The following LINGO1 variants were observed in gnomAD, a reference collection of about 807,000 sequenced individuals.
LINGO1 encodes leucine-rich repeat and immunoglobulin-like domain-containing nogo receptor-interacting protein 1.
LINGO1 carries 11 observed loss-of-function variants against 37.3 expected under a neutral mutation model. The ratio of observed to expected loss-of-function variants is 0.29; its 90% CI spans 0.19 to 0.49. The LOEUF is 0.49. LINGO1 is among the 20% of genes least tolerant of loss of function. The pLI, the probability that LINGO1 is intolerant of heterozygous loss-of-function variation, is 0.99. For synonymous variants in LINGO1, 387 were observed against 403.0 expected, an observed-to-expected ratio of 0.96 and a Z score of 0.48; for missense variants, 585 against 878.2, an observed-to-expected ratio of 0.67 and a Z score of 4.22.
chr15:77,733,108 A>G (rs919031407), intron 2 of LINGO1, among the ~76,000 whole-genome samples: 1 of 151,930 alleles, frequency 6.6e-6, no homozygotes, highest in Non-Finnish European at 1.5e-5. Flanking sequence ...CCACCCCCAC[A>G]GCTCCCCCAT....
At chr15:77,627,803 C>T (rs2142571301) in intron 1 of LINGO1, among the ~76,000 whole-genome samples, 1 of 152,300 alleles carries the variant, frequency 6.6e-6, no homozygotes, top group South Asian at 2.1e-4. Flanking sequence ...CTTCATCCTA[C>T]TTGCTTGGGG....
intron 1 of LINGO1, among the ~76,000 whole-genome samples, chr15:77,736,944 C>T (rs551182464): frequency 6.6e-6 from 1 of 152,344 alleles, no homozygotes; most frequent in East Asian, 1.9e-4. Context: ...CGGACTGTCA[C>T]AGCTGAGCTT....
At chr15:77,659,299 G>A (rs974850059) in intron 3 of LINGO1, among the ~76,000 whole-genome samples, 2 of 152,126 alleles carry the variant, frequency 1.3e-5, no homozygotes, top group Non-Finnish European at 2.9e-5. Flanking sequence ...AGGGAGTCCT[G>A]TCATCTTCCA....
At chr15:77,781,319 A>C (rs1299211188) in intron 1 of LINGO1, among the ~76,000 whole-genome samples, 3 of 152,166 alleles carry the variant, frequency 2.0e-5, no homozygotes, top group Admixed American at 6.5e-5. Flanking sequence ...CAATGTGCAA[A>C]AGCCTCCCTC....
At chr15:77,749,065 G>A (rs1052878125) in intron 1 of LINGO1, among the ~76,000 whole-genome samples, 3 of 151,428 alleles carry the variant, frequency 2.0e-5, no homozygotes, top group Admixed American at 6.6e-5. Context: ...ACACTACCAC[G>A]CCCGGCTAAT....
chr15:77,716,157 C>T (rs1487874543), intron 2 of LINGO1, among the ~76,000 whole-genome samples: 1 of 135,542 alleles, frequency 7.4e-6, no homozygotes, highest in East Asian at 3.2e-4. Flanking sequence ...CAAAGTCTCA[C>T]AGCAATAAAT....
intron 3 of LINGO1, among the ~76,000 whole-genome samples, chr15:77,639,919 C>G (rs898001237): frequency 6.6e-6 from 1 of 152,210 alleles, no homozygotes; most frequent in Non-Finnish European, 1.5e-5. Context: ...GAACCCCACA[C>G]CATGAGCAGC....
At chr15:77,622,232 C>G (rs1227210186) in intron 1 of LINGO1, among the ~76,000 whole-genome samples, 1 of 151,784 alleles carries the variant, frequency 6.6e-6, no homozygotes, top group Non-Finnish European at 1.5e-5. Flanking sequence ...CCCAGAGACA[C>G]CCGGGAGACA....
intron 2 of LINGO1, among the ~76,000 whole-genome samples, chr15:77,686,830 C>A (rs1245205130): frequency 1.3e-5 from 2 of 152,196 alleles, no homozygotes; most frequent in South Asian, 2.1e-4. Context: ...GGGCCTCCCC[C>A]ACCTCAGCTC....
intron 2 of LINGO1, among the ~76,000 whole-genome samples, chr15:77,720,099 C>T (rs1471912815): frequency 2.7e-5 from 4 of 150,202 alleles, no homozygotes; most frequent in Non-Finnish European, 5.9e-5. Context: ...CACACCACCA[C>T]CCCCTTGGCT....
intron 3 of LINGO1, among the ~76,000 whole-genome samples, chr15:77,668,489 C>G (rs1049317809): frequency 6.6e-6 from 1 of 152,138 alleles, no homozygotes; most frequent in African/African-American, 2.4e-5. Flanking sequence ...GCCCTTCATC[C>G]GCTGAGAGAA....
chr15:77,820,291 G>C (rs1281005158), exon 1 of LINGO1: 1 of 152,272 alleles, frequency 6.6e-6, no homozygotes, highest in Admixed American at 6.5e-5. Context: ...GGGCCCCGGG[G>C]AAGGGACCTC....
At position 77,729,002 on chromosome 15, in the gene LINGO1, T is replaced by C. The variant is rs192094930; in HGVS notation, c.-195+5990A>G. Among the ~76,000 whole-genome samples the C allele has an allele frequency of 7.2e-5, 11 of 152,368 alleles. No homozygotes were observed. The East Asian group carries it at 2.1e-3, about 29-fold the overall frequency. On this transcript the variant is annotated intron_variant, in intron 2 of 3. Coordinates refer to the LINGO1 transcript ENST00000561686. ...ACTTGGCCAAGTATTTGCAAGGTAT[T>C]CTGCAAAGTGGAAAACCCACTCTCT... is the stretch of plus-strand genomic sequence containing the variant.
At chr15:77,787,797 G>C (rs1029933319), upstream of LINGO1, 1 of 152,130 alleles carries the variant, frequency 6.6e-6, no homozygotes, top group Non-Finnish European at 1.5e-5. Flanking sequence ...GGCCTCTAAG[G>C]CATCTCACAA....
chr15:77,637,829 C>T (rs2074425717), upstream of LINGO1, among the ~76,000 whole-genome samples: 2 of 152,338 alleles, frequency 1.3e-5, no homozygotes, highest in African/African-American at 4.8e-5. The surrounding 1 kb of genome is among the most constrained non-coding windows in gnomAD (Gnocchi z 4.6). Flanking sequence ...CCACAGCCAG[C>T]CCACAGCCCT....
At chr15:77,759,201 A>G (rs1008729696) in intron 1 of LINGO1, among the ~76,000 whole-genome samples, 2 of 152,162 alleles carry the variant, frequency 1.3e-5, no homozygotes, top group East Asian at 3.8e-4. Flanking sequence ...ATACCCACAC[A>G]CTACCTTGCA....
chr15:77,664,723 G>A (rs771113222), intron 3 of LINGO1, among the ~76,000 whole-genome samples: 3 of 152,166 alleles, frequency 2.0e-5, no homozygotes, highest in African/African-American at 4.8e-5. Context: ...TCCCCAGGAG[G>A]CCAAACCTCA....
chr15:77,801,927 C>T (rs2076922465), intron 1 of LINGO1, among the ~76,000 whole-genome samples: 2 of 152,166 alleles, frequency 1.3e-5, no homozygotes, highest in South Asian at 2.1e-4. Context: ...TCTAGGTATC[C>T]AGAAAACCCT....
intron 1 of LINGO1, among the ~76,000 whole-genome samples, chr15:77,768,528 C>A (rs1253289256): frequency 6.6e-6 from 1 of 152,164 alleles, no homozygotes; most frequent in East Asian, 1.9e-4. Context: ...GGAAGAGAAC[C>A]AGGTCTGTGA....
Sources: allele counts gnomAD v4.1 joint callset (sites outside exome capture counted in the v4.1 genomes callset), GRCh38; gene constraint gnomAD v4.1.1; non-coding constraint Gnocchi (gnomAD v3.1); transcripts MANE v1.5; gene names NCBI Gene and HGNC (gene_info 2026-07-23, HGNC 2026-07-21).